Variants in NLRP4 observed in about 807,000 individuals in gnomAD.
NLRP4 encodes NACHT, LRR and PYD domains-containing protein 4.
NLRP4 carries 44 observed loss-of-function variants against 84.7 expected under a neutral mutation model. The ratio of observed to expected loss-of-function variants is 0.52; its 90% CI spans 0.41 to 0.67. The LOEUF is 0.67. Among genes scored for constraint, NLRP4 ranks in the 30% least tolerant of loss-of-function variants. The pLI is 0.00. For synonymous variants in NLRP4, 544 were observed against 476.4 expected (o/e 1.14, Z -1.85); for missense variants, 1,260 against 1,219.4 (o/e 1.03, Z -0.50).
intron 7 of NLRP4, among the ~76,000 whole-genome samples, chr19:55,875,811 C>G (rs960083401): frequency 3.0e-4 from 46 of 151,872 alleles, no homozygotes; most frequent in South Asian, 6.3e-4. Context: ...GGTGGATCAC[C>G]TGAGGTCAGG....
chr19:55,858,769 G>C lies in NLRP4; in HGVS notation c.1376G>C (p.Cys459Ser). The C allele has an allele frequency of 1.9e-6, 3 of 1,614,184 alleles. No homozygotes were observed. The highest frequency in any genetic ancestry group is 1.3e-5 in the African/African-American group (1 of 75,046). ...CTCCACGTGTGTATCCAGGAGTTCT[G>C]TGCCGCCTTGTTCTATTTGCTCAAG... is the stretch of plus-strand genomic sequence containing the variant. ...VFLHVCIQEF[C>S]AALFYLLKSH... is the part of the protein sequence containing the mutation. Residue 459 changes from cysteine (C) to serine (S), a missense_variant, in exon 3 of 10, where the codon TGT becomes TCT. Physicochemically the swap from Cys to Ser is moderately radical, Grantham distance 112. Around this residue, in one of 3 missense-constraint regions of NLRP4, gnomAD observed 712 missense variants for 669.2 expected, o/e 1.06. Coordinates refer to ENST00000301295, the MANE Select transcript of NLRP4 (RefSeq NM_134444.5). This position sits in a 1 kb window ranked among gnomAD's most constrained non-coding sequence, Gnocchi z 4.2.
Position 55,839,162 on chromosome 19 carries a change from G to A in NLRP4, c.-66+2228G>A, listed in dbSNP as rs539484050. Among the ~76,000 whole-genome samples, 91 of 151,980 alleles carry A rather than the reference G, an allele frequency of 6.0e-4. 1 individual carries two copies. In the East Asian group the frequency reaches 0.014, roughly 23 times the overall value. ...CACCCACGGGCCTCAGTGTGTGAAT[G>A]TTCCCCTCCCTGTGTCCGTTTGTGT... On this transcript the variant is annotated intron_variant, in intron 1 of 9. Transcript: ENST00000301295.
rs375436841 is a variant in NLRP4, at chr19:55,878,859, A to G, written c.2762A>G (p.Lys921Arg). ...CTCGCGTCTGTTCTCACCTGCAGTA[A>G]GACCCTGCAGCAGCTCAACCTGACC... ...KDLASVLTCS[K>R]TLQQLNLTLN... The change falls in exon 9 of 10, where the codon AAG (lysine) becomes AGG (arginine). Residue 921 changes from lysine to arginine, a missense_variant. Coordinates refer to ENST00000301295, the MANE Select transcript of NLRP4 (RefSeq NM_134444.5). 3 of 1,613,384 alleles carry G rather than the reference A, an allele frequency of 1.9e-6. No individual in the cohort carries two copies. The African/African-American group carries it at 4.0e-5, about 22-fold the overall frequency.
rs529404172 is a variant in NLRP4 at position 55,868,185 on chromosome 19, A to G, written c.2354+309A>G. Among the ~76,000 whole-genome samples the G allele has an allele frequency of 5.9e-5, 9 of 152,368 alleles. No homozygotes were observed. In the South Asian group the frequency reaches 1.4e-3, roughly 25 times the overall value. ...GTTAGGTTGGGTTAATGCACCTGCA[A>G]CACACATGGTACTTCCCGTGTTGAT... On this transcript the variant is annotated intron_variant, in intron 6 of 9. Coordinates refer to ENST00000301295, the MANE Select transcript of NLRP4 (RefSeq NM_134444.5).
chr19:55,861,928 C>A, intron 4 of NLRP4, 64 bp from the exon 5 acceptor site: 1 of 1,069,856 alleles, frequency 9.3e-7, no homozygotes, highest in Non-Finnish European at 1.4e-6. Flanking sequence ...GAGAGACAAA[C>A]ACAGGTGTGC....
rs532276784 is a variant in NLRP4, at chr19:55,853,580, A to T, written c.280+1220A>T. ...TAATTGCACACCTGGCTAACCTTTT[A>T]AAAAAAAATTGTAGAGATGAGCTCT... On this transcript the variant is annotated intron_variant, in intron 2 of 9. Coordinates refer to ENST00000301295, the MANE Select transcript of NLRP4 (RefSeq NM_134444.5). Among the ~76,000 whole-genome samples, 20 of 137,264 alleles carry T rather than the reference A, an allele frequency of 1.5e-4. No individual in the cohort carries two copies. The East Asian group carries it at 3.7e-3, about 25-fold the overall frequency. The allele number at this position is 137,264 out of a possible 152,430, so 90.1% of individuals were successfully genotyped here. A position where few individuals can be genotyped will look rare whatever the true frequency, so the allele number is the denominator to read the frequency against.
chr19:55,856,025 G>A (rs1041079345), intron 2 of NLRP4, among the ~76,000 whole-genome samples: 22 of 152,162 alleles, frequency 1.4e-4, no homozygotes, highest in African/African-American at 4.6e-4. Flanking sequence ...AGACAGTCTC[G>A]CTCTATTGCC....
At chr19:55,856,707 G>A (rs530669608) in intron 2 of NLRP4, among the ~76,000 whole-genome samples, 2 of 151,830 alleles carry the variant, frequency 1.3e-5, no homozygotes, top group Admixed American at 6.6e-5. Context: ...GTAGAGACAG[G>A]GTTTCACCAT....
At position 55,861,318 on chromosome 19, in the gene NLRP4, G is replaced by A. The variant is rs199475748; in HGVS notation, c.1857-68G>A. 31 of 1,333,682 alleles carry A rather than the reference G, an allele frequency of 2.3e-5. No individual in the cohort carries two copies. In the Admixed American group the frequency reaches 2.5e-4, roughly 11 times the overall value. The allele number at this position is 1,333,682 out of a possible 1,614,324, so 82.6% of individuals were successfully genotyped here. On this transcript the variant is annotated intron_variant, in intron 3 of 9. Coordinates refer to ENST00000301295, the MANE Select transcript of NLRP4 (RefSeq NM_134444.5). ...TCTGTTTGAGAAGACAGCGTAGTGC[G>A]TATATGTGTTACAAGTGGCTCGTGT...
chr19:55,845,363 T>G (rs1489775713), intron 1 of NLRP4, among the ~76,000 whole-genome samples: 2 of 151,944 alleles, frequency 1.3e-5, no homozygotes, highest in African/African-American at 4.8e-5. Flanking sequence ...AACTCATCAT[T>G]TTTTATGGCC....
At chr19:55,842,548 G>A (rs369480959) in intron 1 of NLRP4, among the ~76,000 whole-genome samples, 335 of 150,668 alleles carry the variant, frequency 2.2e-3, no homozygotes, top group African/African-American at 7.7e-3. Flanking sequence ...TTAGATTTAC[G>A]TGCCAGCTGT....
At chr19:55,864,418 T>C (rs565367441) in intron 5 of NLRP4, among the ~76,000 whole-genome samples, 1 of 152,364 alleles carries the variant, frequency 6.6e-6, no homozygotes, top group South Asian at 2.1e-4. Context: ...TTTTCTTGGC[T>C]AAATAGTATT....
intron 1 of NLRP4, among the ~76,000 whole-genome samples, chr19:55,847,767 T>C: frequency 6.7e-6 from 1 of 149,354 alleles, no homozygotes; most frequent in African/African-American, 2.5e-5. Context: ...CAGGCTGGAG[T>C]GCAATGGTGC....
rs561509717 is a variant in NLRP4, at chr19:55,875,736, T to C, written c.2526-1260T>C. Reference sequence around the variant, plus strand: ...AAGAATACCTAAGAAACACCTAAAATATAAAAAGTGGGCCAGGCGCGGTGG... The same window carrying C: ...AAGAATACCTAAGAAACACCTAAAACATAAAAAGTGGGCCAGGCGCGGTGG... On this transcript the variant is annotated intron_variant, in intron 7 of 9. Coordinates refer to ENST00000301295, the MANE Select transcript of NLRP4 (RefSeq NM_134444.5). 1.1e-4 allele frequency among the ~76,000 whole-genome samples: 16 copies of C among 151,960 alleles called. No individual in the cohort carries two copies. In the East Asian group the frequency reaches 3.1e-3, roughly 29 times the overall value.
At chr19:55,849,319 T>C (rs2123006731) in intron 1 of NLRP4, among the ~76,000 whole-genome samples, 1 of 152,324 alleles carries the variant, frequency 6.6e-6, no homozygotes, top group Non-Finnish European at 1.5e-5. Flanking sequence ...GGGTATCTGT[T>C]ATGCTTCCAG....
chr19:55,848,564 C>T (rs746655436), intron 1 of NLRP4, among the ~76,000 whole-genome samples: 22 of 152,024 alleles, frequency 1.4e-4, no homozygotes, highest in Middle Eastern at 3.2e-3. Flanking sequence ...CCACCACATC[C>T]GGCTAATTTT....
chr19:55,872,142 C>T (rs1256342404), intron 7 of NLRP4, among the ~76,000 whole-genome samples: 2 of 152,036 alleles, frequency 1.3e-5, no homozygotes, highest in Non-Finnish European at 2.9e-5. Context: ...GCCACCGTGC[C>T]CAGCCCAAAC....
chr19:55,876,614 C>T (rs1314739958), intron 7 of NLRP4, among the ~76,000 whole-genome samples: 3 of 152,148 alleles, frequency 2.0e-5, no homozygotes, highest in Non-Finnish European at 4.4e-5. Flanking sequence ...CCACCCACCT[C>T]AGCCTCCCGA....
chr19:55,859,132 T>TA lies in NLRP4; in HGVS notation c.1739_1740insA (p.Ile581TyrfsTer2). On this transcript the variant is annotated frameshift_variant, in exon 3 of 10. Coordinates refer to ENST00000301295, the MANE Select transcript of NLRP4 (RefSeq NM_134444.5). LOFTEE classifies it high-confidence loss of function. ...CTCCTCCAAGAAGCTAACTTTCATA[T>TA]TATTGACAACGTGGACTTGGTGGTT... 2 of 1,614,020 alleles carry TA rather than the reference T, an allele frequency of 1.2e-6. No homozygotes were observed. The highest frequency in any genetic ancestry group is 1.7e-6 in the Non-Finnish European group (2 of 1,179,890).
Sources: allele counts gnomAD v4.1 joint callset (sites outside exome capture counted in the v4.1 genomes callset), GRCh38; gene constraint gnomAD v4.1.1; regional missense constraint gnomAD v4.1.1; non-coding constraint Gnocchi (gnomAD v3.1); transcripts MANE v1.5; gene names NCBI Gene and HGNC (gene_info 2026-07-23, HGNC 2026-07-21).